The following CHST9 variants were observed in gnomAD, a reference collection of about 807,000 sequenced individuals.
CHST9 encodes the protein carbohydrate sulfotransferase 9.
CHST9 carries 41 observed loss-of-function variants against 44.4 expected under a neutral mutation model. The ratio of observed to expected loss-of-function variants is 0.92; its 90% CI spans 0.72 to 1.20. The LOEUF (loss-of-function observed/expected upper bound fraction) is 1.20, where lower values mean the gene tolerates loss of function less well. Ranked by LOEUF, CHST9 falls within the 50% of genes most tolerant of loss-of-function variation. The pLI is 0.00. For missense variants in CHST9, 504 were observed against 516.5 expected, an observed-to-expected ratio of 0.98 and a Z score of 0.23; for synonymous variants, 171 against 178.4, an observed-to-expected ratio of 0.96 and a Z score of 0.33.
intron 2 of CHST9, among the ~76,000 whole-genome samples, chr18:27,050,762 A>G (rs572382660): frequency 6.6e-6 from 1 of 152,280 alleles, no homozygotes; most frequent in East Asian, 1.9e-4. Flanking sequence ...TAAGTTTTCC[A>G]CTGGGCAAGC....
At chr18:26,930,345 T>C (rs780709657) in intron 5 of CHST9, among the ~76,000 whole-genome samples, 5 of 152,102 alleles carry the variant, frequency 3.3e-5, no homozygotes, top group Non-Finnish European at 7.4e-5. Context: ...AGAATTACAC[T>C]AGCAGCAAAG....
chr18:27,092,592 A>C (rs1320931059), intron 2 of CHST9, among the ~76,000 whole-genome samples: 1 of 152,114 alleles, frequency 6.6e-6, no homozygotes, highest in Non-Finnish European at 1.5e-5. Flanking sequence ...TAGTGCTATA[A>C]ATTTCCCTCT....
intron 1 of CHST9, among the ~76,000 whole-genome samples, chr18:27,153,381 G>A (rs999073657): frequency 1.4e-4 from 22 of 152,174 alleles, no homozygotes; most frequent in Non-Finnish European, 4.4e-5. Flanking sequence ...CCCCTTGGAG[G>A]CAAGGACAGA....
intron 2 of CHST9, among the ~76,000 whole-genome samples, chr18:27,108,454 T>C (rs189467004): frequency 2.0e-4 from 30 of 152,186 alleles, no homozygotes. Context: ...ATTTTTCACT[T>C]TGATAGAGCT....
intron 2 of CHST9, among the ~76,000 whole-genome samples, chr18:27,098,600 C>A (rs1213474619): frequency 6.6e-6 from 1 of 152,152 alleles, no homozygotes; most frequent in African/African-American, 2.4e-5. Context: ...GGCACATATA[C>A]ACCATGGAAT....
intron 2 of CHST9, among the ~76,000 whole-genome samples, chr18:27,088,676 G>A (rs1309523272): frequency 1.3e-5 from 2 of 152,166 alleles, no homozygotes; most frequent in African/African-American, 4.8e-5. Context: ...ATAGGTGTGA[G>A]CCACTGAGCC....
intron 2 of CHST9, among the ~76,000 whole-genome samples, chr18:27,056,506 T>C (rs762839747): frequency 3.3e-5 from 5 of 152,142 alleles, no homozygotes; most frequent in Admixed American, 6.5e-5. Context: ...CTAAGGTGAA[T>C]TGTTTTTTTC....
intron 4 of CHST9, among the ~76,000 whole-genome samples, chr18:27,006,418 T>C (rs1004795088): frequency 5.3e-5 from 8 of 152,148 alleles, no homozygotes; most frequent in African/African-American, 2.4e-5. Flanking sequence ...CCTCCAGCAA[T>C]GTGTGGGTCA....
chr18:26,930,094 G>A (rs163222), intron 5 of CHST9, among the ~76,000 whole-genome samples: 65,590 of 151,966 alleles, frequency 0.43, 14,560 homozygotes, highest in East Asian at 0.7. Context: ...CGCCCCTCTG[G>A]CTTATGTCAC....
intron 2 of CHST9, among the ~76,000 whole-genome samples, chr18:27,080,601 T>C (rs2057950420): frequency 6.6e-6 from 1 of 152,146 alleles, no homozygotes; most frequent in South Asian, 2.1e-4. Flanking sequence ...TTAATGTGGG[T>C]AGGCACTGTG....
At chr18:27,168,657 T>C (rs570286476) in intron 1 of CHST9, among the ~76,000 whole-genome samples, 36 of 152,320 alleles carry the variant, frequency 2.4e-4, no homozygotes, top group Non-Finnish European at 3.7e-4. Flanking sequence ...AGGTATCACA[T>C]AGGGAGTTGA....
chr18:27,090,721 G>T (rs933174788), intron 2 of CHST9, among the ~76,000 whole-genome samples: 1 of 152,100 alleles, frequency 6.6e-6, no homozygotes, highest in African/African-American at 2.4e-5. Flanking sequence ...CCCATTTCTT[G>T]TTTTTGTCAG....
chr18:27,063,224 A>T (rs977023158), intron 2 of CHST9, among the ~76,000 whole-genome samples: 4 of 152,194 alleles, frequency 2.6e-5, no homozygotes, highest in African/African-American at 7.2e-5. Context: ...TAGATTCTGG[A>T]TTAGAATCCA....
intron 4 of CHST9, among the ~76,000 whole-genome samples, chr18:26,969,317 C>T (rs446837): frequency 2.6e-5 from 4 of 151,624 alleles, no homozygotes; most frequent in African/African-American, 7.3e-5. Flanking sequence ...TTTATGCAGT[C>T]TTATATTTTA....
chr18:27,093,713 G>A (rs2058090600), intron 2 of CHST9, among the ~76,000 whole-genome samples: 1 of 152,162 alleles, frequency 6.6e-6, no homozygotes, highest in Non-Finnish European at 1.5e-5. Flanking sequence ...GTGATGCGAC[G>A]CCTTGCCCTG....
intron 2 of CHST9, among the ~76,000 whole-genome samples, chr18:27,079,532 T>TA (rs1245465633): frequency 6.6e-6 from 1 of 152,170 alleles, no homozygotes. Flanking sequence ...GCATAAATTT[T>TA]AAAAAAATTT....
intron 5 of CHST9, among the ~76,000 whole-genome samples, chr18:26,932,146 T>C (rs1210435706): frequency 6.6e-6 from 1 of 152,184 alleles, no homozygotes; most frequent in Non-Finnish European, 1.5e-5. Context: ...ATAATATATG[T>C]TGGGTACCAA....
intron 5 of CHST9, among the ~76,000 whole-genome samples, chr18:26,922,549 G>A (rs573618818): frequency 6.6e-6 from 1 of 152,112 alleles, no homozygotes; most frequent in Non-Finnish European, 1.5e-5. Context: ...TTAAAAAAAT[G>A]AGTATCTAAA....
Position 26,957,279 on chromosome 18 carries a change from A to G in CHST9, c.203-12913T>C, listed in dbSNP as rs570659852. Among the ~76,000 whole-genome samples the G allele has an allele frequency of 3.9e-5, 6 of 152,304 alleles. No homozygotes were observed. The South Asian group carries it at 1.0e-3, about 26-fold the overall frequency. ...CTCAGAATGCTCTCTCACCAAGCCT[A>G]TACTTCATTCTCTGTCAAACCTCAG... On this transcript the variant is annotated intron_variant, in intron 4 of 5. Transcript: ENST00000618847.
Sources: gnomAD v4.1 joint callset for allele counts (sites outside exome capture counted in the v4.1 genomes callset) on GRCh38, gnomAD v4.1.1 for gene constraint, MANE v1.5 for transcripts, NCBI Gene and HGNC (gene_info 2026-07-23, HGNC 2026-07-21) for gene names.